CSMD1: variants seen among roughly 807,000 people sequenced by gnomAD.
The protein encoded by CSMD1 is CUB and sushi domain-containing protein 1.
Under a neutral mutation model 417.5 loss-of-function variants are expected in CSMD1, and 213 were observed. The ratio of observed to expected loss-of-function variants is 0.51; its 90% CI spans 0.46 to 0.57. The LOEUF (loss-of-function observed/expected upper bound fraction) is 0.57. Among genes scored for constraint, CSMD1 ranks in the 20% least tolerant of loss-of-function variants. CSMD1 has a pLI of 0.00. For missense variants in CSMD1, 6,923 were observed against 4,529.7 expected, an observed-to-expected ratio of 1.53 and a Z score of -15.17; for synonymous variants, 2,862 against 1,736.8, an observed-to-expected ratio of 1.65 and a Z score of -16.11.
At chr8:3,159,512 G>C (rs1054979456) in intron 38 of CSMD1, among the ~76,000 whole-genome samples, 5 of 152,172 alleles carry the variant, frequency 3.3e-5, no homozygotes, top group Admixed American at 2.6e-4. Context: ...ACACTCACGT[G>C]TGAACTATGC....
Position 3,190,027 on chromosome 8 carries a change from G to A in CSMD1, c.5283C>T (p.Ser1761=). Residue 1761 remains serine, a synonymous_variant, in exon 34 of 70, where the codon TCC becomes TCT. Coordinates refer to ENST00000635120, the MANE Select transcript of CSMD1 (RefSeq NM_033225.6). ...RRIGSEFSAG[S]IVRFECNPGY... is the part of the protein sequence containing the mutation. Reference sequence around the variant, plus strand: ...CCGGGTTGCACTCGAATCGGACGATGGAGCCGGCAGAAAACTCAGAACCAA... The same window carrying A: ...CCGGGTTGCACTCGAATCGGACGATAGAGCCGGCAGAAAACTCAGAACCAA... The A allele has an allele frequency of 2.5e-6, 4 of 1,594,896 alleles. No individual in the cohort carries two copies. The highest frequency in any genetic ancestry group is 1.1e-5 in the South Asian group (1 of 87,380).
intron 2 of CSMD1, among the ~76,000 whole-genome samples, chr8:4,569,349 G>A (rs1325731942): frequency 6.6e-6 from 1 of 152,166 alleles, no homozygotes; most frequent in Non-Finnish European, 1.5e-5. Context: ...TCCAGTTACA[G>A]TTTTCTGCAT....
At chr8:4,577,242 T>A (rs1005989013) in intron 2 of CSMD1, among the ~76,000 whole-genome samples, 2 of 152,074 alleles carry the variant, frequency 1.3e-5, no homozygotes, top group African/African-American at 2.4e-5. Context: ...AGGAAAAAAA[T>A]TCACTTAGCA....
At chr8:4,021,335 A>C (rs980383621) in intron 4 of CSMD1, among the ~76,000 whole-genome samples, 28 of 152,200 alleles carry the variant, frequency 1.8e-4, no homozygotes, top group Admixed American at 3.3e-4. Context: ...AGTTTATTTC[A>C]CTTGTTTCAT....
At chr8:4,296,182 G>A (rs1001660136) in intron 3 of CSMD1, among the ~76,000 whole-genome samples, 2 of 152,004 alleles carry the variant, frequency 1.3e-5, no homozygotes, top group African/African-American at 2.4e-5. Flanking sequence ...CTCCCTCCTG[G>A]CACCTTAGTC....
At chr8:4,365,556 T>A (rs891532727) in intron 3 of CSMD1, among the ~76,000 whole-genome samples, 1 of 152,214 alleles carries the variant, frequency 6.6e-6, no homozygotes, top group Admixed American at 6.5e-5. Context: ...TTACTTATGA[T>A]TGTGCCTCTT....
intron 32 of CSMD1, 120 bp from the exon 33 acceptor site, chr8:3,199,929 T>C (rs1796904623): frequency 1.6e-6 from 1 of 615,360 alleles, no homozygotes; most frequent in African/African-American, 1.8e-5. Context: ...TTAAAACATT[T>C]TCACTTTATG....
At chr8:4,856,533 G>C (rs1452934325) in intron 1 of CSMD1, among the ~76,000 whole-genome samples, 1 of 139,410 alleles carries the variant, frequency 7.2e-6, no homozygotes, top group African/African-American at 3.0e-5. Flanking sequence ...CTCACGTGCA[G>C]AGACACACAT....
chr8:3,635,030 A>G (rs1796964112), intron 7 of CSMD1, among the ~76,000 whole-genome samples: 1 of 151,464 alleles, frequency 6.6e-6, no homozygotes, highest in Non-Finnish European at 1.5e-5. Flanking sequence ...AAACTAAGGT[A>G]AAAACACTGT....
chr8:3,809,609 C>T (rs1396123462), intron 5 of CSMD1, among the ~76,000 whole-genome samples: 1 of 151,982 alleles, frequency 6.6e-6, no homozygotes, highest in Non-Finnish European at 1.5e-5. Context: ...TGCAGAGTGT[C>T]TAATTCAGTC....
intron 3 of CSMD1, among the ~76,000 whole-genome samples, chr8:4,095,072 C>T (rs900905626): frequency 2.0e-5 from 3 of 152,108 alleles, no homozygotes; most frequent in African/African-American, 7.2e-5. Flanking sequence ...CTAACAAGAG[C>T]TTGGATTAAT....
At chr8:4,041,866 T>G (rs909718149) in intron 3 of CSMD1, among the ~76,000 whole-genome samples, 3 of 152,074 alleles carry the variant, frequency 2.0e-5, no homozygotes, top group Non-Finnish European at 4.4e-5. Context: ...CATCTGAGAT[T>G]CAAAAATCAA....
At chr8:3,938,617 G>A (rs146345533) in intron 5 of CSMD1, among the ~76,000 whole-genome samples, 54 of 152,182 alleles carry the variant, frequency 3.5e-4, no homozygotes, top group Middle Eastern at 3.4e-3. Context: ...CCCGAATAAG[G>A]GCTAGGCTGC....
intron 1 of CSMD1, among the ~76,000 whole-genome samples, chr8:4,766,262 C>A (rs1378974985): frequency 6.6e-6 from 1 of 152,138 alleles, no homozygotes; most frequent in African/African-American, 2.4e-5. Context: ...AGCAGAATAT[C>A]CTGTCGTGAC....
chr8:3,930,945 A>T (rs1810095528), intron 5 of CSMD1, among the ~76,000 whole-genome samples: 1 of 150,662 alleles, frequency 6.6e-6, no homozygotes, highest in Non-Finnish European at 1.5e-5. Context: ...GGATTCTTAA[A>T]AACCTAAAAT....
intron 3 of CSMD1, among the ~76,000 whole-genome samples, chr8:4,333,669 G>C (rs1007265512): frequency 6.6e-6 from 1 of 152,082 alleles, no homozygotes; most frequent in Non-Finnish European, 1.5e-5. Flanking sequence ...CATTTTATAA[G>C]TGCTTTTCTA....
In CSMD1 at chr8:4,439,260, AAAC is replaced by A. The variant is rs534800883; in HGVS notation, c.303-19198_303-19196del. On this transcript the variant is annotated intron_variant, in intron 2 of 69. Transcript: ENST00000635120. ...ATATATTGCTTCTATTAAACAAATT[AAAC>A]AACTACTAAATTGAAAATGACCTTT... Among the ~76,000 whole-genome samples, 492 of 152,270 alleles carry A rather than the reference AAAC, an allele frequency of 3.2e-3. 2 individuals are homozygous for A. Among genetic ancestry groups the A allele is most frequent in the African/African-American group, 0.011 (470 of 41,568 alleles).
chr8:3,702,622 G>C (rs1800933739), intron 7 of CSMD1, among the ~76,000 whole-genome samples: 1 of 152,198 alleles, frequency 6.6e-6, no homozygotes, highest in Non-Finnish European at 1.5e-5. Flanking sequence ...CCTGAGGTCA[G>C]GAATTCAAGA....
chr8:4,023,560 T>C (rs1447814828), intron 4 of CSMD1, among the ~76,000 whole-genome samples: 1 of 150,758 alleles, frequency 6.6e-6, no homozygotes, highest in Non-Finnish European at 1.5e-5. Context: ...CTTACCAAAA[T>C]ATGAATGCTT....
Sources: gnomAD v4.1 joint callset for allele counts (sites outside exome capture counted in the v4.1 genomes callset) on GRCh38, gnomAD v4.1.1 for gene constraint, MANE v1.5 for transcripts, NCBI Gene and HGNC (gene_info 2026-07-23, HGNC 2026-07-21) for gene names.